The following ABR variants were observed in gnomAD, a reference collection of about 807,000 sequenced individuals.
The protein encoded by ABR is active breakpoint cluster region-related protein.
ABR carries 35 observed loss-of-function variants against 107.2 expected under a neutral mutation model. That is an observed-to-expected ratio of 0.33 (90% confidence interval 0.25 to 0.43). The LOEUF (loss-of-function observed/expected upper bound fraction) is 0.43. ABR is among the 20% of genes least tolerant of loss of function. ABR has a pLI of 1.00. For missense variants in ABR, 815 were observed against 1,115.2 expected (o/e 0.73, Z 3.83); for synonymous variants, 498 against 462.0 (o/e 1.08, Z -1.00).
At chr17:1,013,282 C>T in intron 16 of ABR, 118 bp from the exon 17 acceptor site, 1 of 983,230 alleles carries the variant, frequency 1.0e-6, no homozygotes, top group Admixed American at 2.0e-5. Flanking sequence ...AAGTGAGCAG[C>T]TGGGATAAGC....
chr17:1,064,208 C>G (rs1170458819), intron 10 of ABR, among the ~76,000 whole-genome samples: 11 of 119,364 alleles, frequency 9.2e-5, no homozygotes, highest in South Asian at 3.0e-4. Context: ...GTTACGTGAA[C>G]TGAGGGCTAT....
At chr17:1,109,125 G>A in intron 2 of ABR, 1 of 1,503,430 alleles carries the variant, frequency 6.7e-7, no homozygotes, top group South Asian at 1.3e-5. Context: ...GCGGCGGCGG[G>A]AGGAGGGAGG....
Position 1,010,943 on chromosome 17 carries a change from C to T in ABR, c.2102-80G>A. The T allele has an allele frequency of 1.3e-6, 2 of 1,564,702 alleles. No individual in the cohort carries two copies. The highest frequency in any genetic ancestry group is 2.3e-5 in the South Asian group (2 of 86,972). ...CACCCCCGACCCATCCTGACACAGCCCCCACCCACTCCAGCTCTGGTTCTG... is the reference window on the plus strand; with the variant it reads ...CACCCCCGACCCATCCTGACACAGCTCCCACCCACTCCAGCTCTGGTTCTG... On this transcript the variant is annotated intron_variant, in intron 19 of 22. Coordinates refer to ENST00000302538, the MANE Select transcript of ABR (RefSeq NM_021962.5). This position sits in a 1 kb window ranked among gnomAD's most constrained non-coding sequence, Gnocchi z 4.1.
intron 1 of ABR, among the ~76,000 whole-genome samples, chr17:1,205,627 T>C (rs1040405030): frequency 3.3e-5 from 5 of 152,114 alleles, no homozygotes; most frequent in Admixed American, 2.6e-4. Context: ...CTGGACAACA[T>C]AGTAAGACTT....
intron 1 of ABR, among the ~76,000 whole-genome samples, chr17:1,165,812 C>T (rs568348687): frequency 2.0e-5 from 3 of 152,342 alleles, no homozygotes; most frequent in East Asian, 3.9e-4. Flanking sequence ...GGATTACAGG[C>T]GTGGGCCACC....
chr17:1,102,855 C>T (rs1263511403), intron 2 of ABR, among the ~76,000 whole-genome samples: 2 of 152,060 alleles, frequency 1.3e-5, no homozygotes, highest in African/African-American at 2.4e-5. Context: ...GGATTACAGG[C>T]GTCCACCATC....
chr17:1,018,226 T>A (rs1001056105), intron 16 of ABR, among the ~76,000 whole-genome samples: 15 of 151,780 alleles, frequency 9.9e-5, no homozygotes, highest in African/African-American at 3.6e-4. Context: ...GTATTTTTAG[T>A]AGAGACGGGG....
chr17:1,044,193 CG>C (rs998980033), intron 16 of ABR, among the ~76,000 whole-genome samples: 11 of 104,556 alleles, frequency 1.1e-4, no homozygotes, highest in African/African-American at 3.0e-4. Context: ...GGGCAAGAGC[CG>C]GTGGAGGGGG....
intron 1 of ABR, among the ~76,000 whole-genome samples, chr17:1,204,901 CTT>C (rs869034249): frequency 4.0e-3 from 129 of 32,128 alleles, no homozygotes; most frequent in Middle Eastern, 0.048. Context: ...TTTTCTTTTT[CTT>C]TTTTTTTTTT....
At chr17:1,109,018 G>C in intron 2 of ABR, 2 of 1,598,054 alleles carry the variant, frequency 1.3e-6, no homozygotes, top group Non-Finnish European at 1.7e-6. Flanking sequence ...ACACATCTTC[G>C]TCCTCCAGAA....
chr17:1,176,691 C>G (rs1034180815), intron 1 of ABR, among the ~76,000 whole-genome samples: 3 of 151,982 alleles, frequency 2.0e-5, no homozygotes, highest in Non-Finnish European at 2.9e-5. Flanking sequence ...ACTAAAAATA[C>G]AAAACTTAGC....
chr17:1,229,204 C>A (rs1268306884), exon 1 of ABR, among the ~76,000 whole-genome samples: 2 of 151,518 alleles, frequency 1.3e-5, no homozygotes, highest in South Asian at 4.1e-4. Context: ...TGGGGGTCCC[C>A]GAGGGGCGCG....
chr17:1,092,067 G>C lies in ABR; in HGVS notation c.346-217C>G, dbSNP rs561130844. Reference sequence around the variant, plus strand: ...ACAGCAGGAACCTGGCCTGGCAGCTGTGCCAGGCCCGAGGGGTGGTGCCTG... The same window carrying C: ...ACAGCAGGAACCTGGCCTGGCAGCTCTGCCAGGCCCGAGGGGTGGTGCCTG... On this transcript the variant is annotated intron_variant, in intron 3 of 22. Transcript: ENST00000302538. The surrounding 1 kb of genome is among the most constrained non-coding windows in gnomAD (Gnocchi z 4.6). 3.9e-5 allele frequency among the ~76,000 whole-genome samples: 6 copies of C among 152,208 alleles called. No homozygotes were observed. Among genetic ancestry groups the C allele is most frequent in the African/African-American group, 9.6e-5 (4 of 41,556 alleles).
chr17:1,018,112 G>A (rs917281542), intron 16 of ABR, among the ~76,000 whole-genome samples: 1 of 151,910 alleles, frequency 6.6e-6, no homozygotes, highest in African/African-American at 2.4e-5. Flanking sequence ...GCGCGATCCT[G>A]GCTCACTGCA....
intron 1 of ABR, among the ~76,000 whole-genome samples, chr17:1,147,578 C>G (rs1378224453): frequency 6.6e-6 from 1 of 152,128 alleles, no homozygotes; most frequent in African/African-American, 2.4e-5. Flanking sequence ...CCAGGCTGGT[C>G]TCAAACTCCT....
At chr17:1,028,637 A>G (rs532206098) in intron 16 of ABR, among the ~76,000 whole-genome samples, 19 of 152,358 alleles carry the variant, frequency 1.2e-4, no homozygotes, top group African/African-American at 4.6e-4. Flanking sequence ...CGTGGGGGTC[A>G]GCAGTGCCGG....
In ABR at chr17:1,210,270, G is replaced by A. The variant is rs1235738250; in HGVS notation, c.838+18523C>T. Among the ~76,000 whole-genome samples, 1 of 152,174 alleles carries A rather than the reference G, an allele frequency of 6.6e-6. No homozygotes were observed. The highest frequency in any genetic ancestry group is 2.4e-5 in the African/African-American group (1 of 41,436). Reference sequence around the variant, plus strand: ...TCACACCTGTAATCCCAACTCTTTGGGAGGCCGAGGTGGGTGAATCACCTG... The same window carrying A: ...TCACACCTGTAATCCCAACTCTTTGAGAGGCCGAGGTGGGTGAATCACCTG... On this transcript the variant is annotated intron_variant, in intron 1 of 22. Coordinates refer to the ABR transcript ENST00000574139. The surrounding 1 kb of genome is among the most constrained non-coding windows in gnomAD (Gnocchi z 5.6).
chr17:1,110,347 GA>G (rs2038596394), intron 2 of ABR, among the ~76,000 whole-genome samples: 2 of 151,864 alleles, frequency 1.3e-5, no homozygotes, highest in African/African-American at 4.8e-5. Context: ...CGGCACCCAT[GA>G]GGGTGCGGGT....
At chr17:1,101,980 G>T (rs901450705) in intron 2 of ABR, among the ~76,000 whole-genome samples, 1 of 152,124 alleles carries the variant, frequency 6.6e-6, no homozygotes, top group South Asian at 2.1e-4. Context: ...TGATCCGCCC[G>T]CCTTGGCCTC....
Sources: allele counts gnomAD v4.1 joint callset (sites outside exome capture counted in the v4.1 genomes callset), GRCh38; gene constraint gnomAD v4.1.1; non-coding constraint Gnocchi (gnomAD v3.1); transcripts MANE v1.5; gene names NCBI Gene and HGNC (gene_info 2026-07-23, HGNC 2026-07-21).